The following CDK6 variants were observed in gnomAD, a reference collection of about 807,000 sequenced individuals.
CDK6 encodes cyclin-dependent kinase 6.
A neutral mutation model predicts 37.1 loss-of-function variants in CDK6; 6 were observed. The ratio of observed to expected loss-of-function variants is 0.16; its 90% confidence interval spans 0.09 to 0.32. The LOEUF is 0.32. Ranked by LOEUF, CDK6 falls within the 10% of genes least tolerant of loss-of-function variation. CDK6 has a pLI of 1.00. For synonymous variants in CDK6, 160 were observed against 161.3 expected, an observed-to-expected ratio of 0.99 and a Z score of 0.06; for missense variants, 224 against 418.9, an observed-to-expected ratio of 0.53 and a Z score of 4.06.
At chr7:92,750,457 T>C (rs959317414) in intron 3 of CDK6, among the ~76,000 whole-genome samples, 11 of 152,230 alleles carry the variant, frequency 7.2e-5, no homozygotes, top group African/African-American at 2.7e-4. Context: ...TCCTAATTTG[T>C]GGATTCCACT....
intron 5 of CDK6, among the ~76,000 whole-genome samples, chr7:92,627,025 A>C (rs10953072): frequency 0.24 from 36,627 of 152,034 alleles, 4,843 homozygotes; most frequent in Middle Eastern, 0.37. Flanking sequence ...TATTTATAGC[A>C]GCATTATTCA....
chr7:92,646,980 G>C (rs902905899), intron 5 of CDK6, among the ~76,000 whole-genome samples: 5 of 152,162 alleles, frequency 3.3e-5, no homozygotes, highest in Non-Finnish European at 7.4e-5. Context: ...GAAAAATCTT[G>C]AGACTAAGTG....
chr7:92,638,791 AC>A (rs559215865), intron 5 of CDK6, among the ~76,000 whole-genome samples: 167 of 152,284 alleles, frequency 1.1e-3, no homozygotes, highest in African/African-American at 3.9e-3. Flanking sequence ...CCAGAGTTAA[AC>A]ATTGGATGCC....
At chr7:92,656,271 G>A (rs1796696023) in intron 5 of CDK6, among the ~76,000 whole-genome samples, 1 of 152,148 alleles carries the variant, frequency 6.6e-6, no homozygotes, top group Non-Finnish European at 1.5e-5. Context: ...TCAGACACCA[G>A]CTCCTTCAGC....
intron 2 of CDK6, among the ~76,000 whole-genome samples, chr7:92,810,042 C>T (rs1306277133): frequency 1.3e-5 from 2 of 152,174 alleles, no homozygotes; most frequent in Non-Finnish European, 2.9e-5. Flanking sequence ...AGCATGAACC[C>T]TAACAAATAA....
At chr7:92,665,555 C>T (rs1796937432) in intron 5 of CDK6, among the ~76,000 whole-genome samples, 1 of 152,194 alleles carries the variant, frequency 6.6e-6, no homozygotes, top group African/African-American at 2.4e-5. Flanking sequence ...TGTCAACCAT[C>T]TGCCCTATGA....
chr7:92,833,072 G>A lies in CDK6; in HGVS notation c.233+19C>T, dbSNP rs549417194. On this transcript the variant is annotated intron_variant, in intron 2 of 7. Coordinates refer to ENST00000424848, the MANE Select transcript of CDK6 (RefSeq NM_001145306.2). The surrounding 1 kb of genome is among the most constrained non-coding windows in gnomAD (Gnocchi z 6.1). ...GCGCGCGAGGCCCCAGATGGCGAGG[G>A]CGCAGCTCCCTGGCTCACCTGACCA... is the stretch of plus-strand genomic sequence containing the variant. 5 of 1,527,214 alleles carry A rather than the reference G, an allele frequency of 3.3e-6. No homozygotes were observed. The African/African-American group carries it at 6.9e-5, about 21-fold the overall frequency. The allele number at this position is 1,527,214 out of a possible 1,614,324, so 94.6% of individuals were successfully genotyped here. A position where few individuals can be genotyped will look rare whatever the true frequency, so the allele number is the denominator to read the frequency against.
chr7:92,685,290 A>G (rs1374768681), intron 4 of CDK6, among the ~76,000 whole-genome samples: 1 of 152,188 alleles, frequency 6.6e-6, no homozygotes, highest in Non-Finnish European at 1.5e-5. Flanking sequence ...CGCTGTCAGG[A>G]GAGATACATG....
chr7:92,818,838 A>T (rs1801093675), intron 2 of CDK6, among the ~76,000 whole-genome samples: 1 of 152,082 alleles, frequency 6.6e-6, no homozygotes, highest in Non-Finnish European at 1.5e-5. Flanking sequence ...AACATTAGTC[A>T]TCAAGTAAAT....
intron 3 of CDK6, among the ~76,000 whole-genome samples, chr7:92,753,957 C>T (rs560124865): frequency 1.3e-5 from 2 of 152,262 alleles, no homozygotes; most frequent in East Asian, 3.9e-4. Flanking sequence ...AGACAAGTCC[C>T]TAACCTCTGA....
intron 2 of CDK6, among the ~76,000 whole-genome samples, chr7:92,832,812 G>A (rs1000109158): frequency 2.0e-5 from 3 of 152,178 alleles, no homozygotes; most frequent in African/African-American, 7.2e-5. Flanking sequence ...CCTTCAGGGT[G>A]GGCAGGGAGA....
chr7:92,778,946 T>TATATATATAA lies in CDK6; in HGVS notation c.234-4116_234-4115insTTATATATAT, dbSNP rs1479181745. Among the ~76,000 whole-genome samples, 117 of 134,996 alleles carry TATATATATAA rather than the reference T, an allele frequency of 8.7e-4. 6 individuals carry two copies. Among genetic ancestry groups the TATATATATAA allele is most frequent in the East Asian group, 3.2e-3 (15 of 4,712 alleles). The allele number at this position is 134,996 out of a possible 152,430, so 88.6% of individuals were successfully genotyped here. A position where few individuals can be genotyped will look rare whatever the true frequency, so the allele number is the denominator to read the frequency against. ...TATCATATATATATATATATATATA[T>TATATATATAA]AAGATATTATAGTAATTTCCAAAAG... On this transcript the variant is annotated intron_variant, in intron 2 of 7. Coordinates refer to ENST00000424848, the MANE Select transcript of CDK6 (RefSeq NM_001145306.2).
At chr7:92,763,394 C>T (rs372611537) in intron 3 of CDK6, among the ~76,000 whole-genome samples, 2 of 152,252 alleles carry the variant, frequency 1.3e-5, no homozygotes, top group East Asian at 3.9e-4. Flanking sequence ...ATTTAAGACC[C>T]TAGAGAACTG....
At chr7:92,664,556 A>C (rs893513277) in intron 5 of CDK6, among the ~76,000 whole-genome samples, 1 of 152,232 alleles carries the variant, frequency 6.6e-6, no homozygotes, top group African/African-American at 2.4e-5. Context: ...ATTCATAGAA[A>C]TCAATGACGA....
At position 92,674,156 on chromosome 7, in the gene CDK6, G is replaced by A. The variant is rs1418485031; in HGVS notation, c.538-2621C>T. On this transcript the variant is annotated intron_variant, in intron 4 of 7. Coordinates refer to ENST00000424848, the MANE Select transcript of CDK6 (RefSeq NM_001145306.2). ...CTATGTTTGAACACCACTAGATTAT[G>A]CAAGCATATCCCATCGCTCTTGTCT... is the stretch of plus-strand genomic sequence containing the variant. Among the ~76,000 whole-genome samples the A allele has an allele frequency of 9.5e-5, 14 of 147,020 alleles. No individual in the cohort carries two copies. In the Admixed American group the frequency reaches 9.6e-4, roughly 10 times the overall value.
intron 5 of CDK6, among the ~76,000 whole-genome samples, chr7:92,659,032 A>G (rs1796773497): frequency 6.6e-6 from 1 of 152,260 alleles, no homozygotes; most frequent in Admixed American, 6.5e-5. Flanking sequence ...GGCTGGTTTT[A>G]CATGCAAGGG....
intron 3 of CDK6, among the ~76,000 whole-genome samples, chr7:92,727,477 G>A (rs1365213763): frequency 6.6e-6 from 1 of 152,138 alleles, no homozygotes; most frequent in African/African-American, 2.4e-5. Context: ...ACTATTAAGG[G>A]GGCTAAATGA....
At chr7:92,683,714 G>GGA (rs1339816980) in intron 4 of CDK6, among the ~76,000 whole-genome samples, 1 of 152,118 alleles carries the variant, frequency 6.6e-6, no homozygotes, top group Non-Finnish European at 1.5e-5. Flanking sequence ...TGTGGTGGGG[G>GGA]GGGGGTCCCC....
intron 2 of CDK6, among the ~76,000 whole-genome samples, chr7:92,828,214 A>T (rs1217898761): frequency 6.6e-6 from 1 of 152,124 alleles, no homozygotes; most frequent in East Asian, 1.9e-4. Flanking sequence ...CTGGAATAAT[A>T]CTCTTGTAGA....
Sources: gnomAD v4.1 joint callset for allele counts (sites outside exome capture counted in the v4.1 genomes callset) on GRCh38, gnomAD v4.1.1 for gene constraint, Gnocchi (gnomAD v3.1) non-coding constraint, MANE v1.5 for transcripts, NCBI Gene and HGNC (gene_info 2026-07-23, HGNC 2026-07-21) for gene names.